Variants in MYH16 observed in about 807,000 individuals in gnomAD.
MYH16 encodes myosin heavy chain 16, also known as putative uncharacterized protein MYH16.
chr7:99,252,217 G>A (rs1216216557), intron 6 of MYH16, among the ~76,000 whole-genome samples: 2 of 152,098 alleles, frequency 1.3e-5, no homozygotes, highest in Admixed American at 6.6e-5. Flanking sequence ...GGCGGGAGCT[G>A]TAGTCACAGA....
intron 19 of MYH16, among the ~76,000 whole-genome samples, chr7:99,271,722 T>C (rs972810732): frequency 6.6e-6 from 1 of 152,164 alleles, no homozygotes; most frequent in Non-Finnish European, 1.5e-5. Context: ...GAGTGGGGGA[T>C]GGGGTCTTGC....
At chr7:99,277,912 TGTGTGAGA>T (rs1324168778) in intron 21 of MYH16, among the ~76,000 whole-genome samples, 200 bp downstream of exon 3, 2 of 131,662 alleles carry the variant, frequency 1.5e-5, no homozygotes, top group Non-Finnish European at 3.1e-5. Context: ...TGTGTGTGTG[TGTGTGAGA>T]GAGAGAGAGA....
At chr7:99,291,846 C>A (rs1792384607) in intron 31 of MYH16, among the ~76,000 whole-genome samples, 1 of 151,998 alleles carries the variant, frequency 6.6e-6, no homozygotes, top group South Asian at 2.1e-4. Flanking sequence ...ATAATCCCAG[C>A]TACTTGGGAG....
At chr7:99,262,376 C>T (rs1321492232) in intron 13 of MYH16, among the ~76,000 whole-genome samples, 1 of 152,196 alleles carries the variant, frequency 6.6e-6, no homozygotes, top group African/African-American at 2.4e-5. Flanking sequence ...TCAACCATAA[C>T]CATAATGCCA....
At position 99,291,248 on chromosome 7, in the gene MYH16, T is replaced by C. The variant is rs542837516; in HGVS notation, n.3825-75T>C. ...TATTTATTGGGTACTTTAGGAGCAATGCCCTGGGGAACTTTGGATCTGGCT... is the reference window on the plus strand; with the variant it reads ...TATTTATTGGGTACTTTAGGAGCAACGCCCTGGGGAACTTTGGATCTGGCT... On this transcript the variant is annotated intron_variant and non_coding_transcript_variant, in intron 30 of 41. Coordinates refer to ENST00000439784, the Ensembl canonical transcript of MYH16. The C allele has an allele frequency of 5.8e-5, 25 of 430,696 alleles. 1 individual carries two copies. The highest frequency in any genetic ancestry group is 4.0e-4 in the South Asian group (24 of 59,772). The allele number at this position is 430,696 out of a possible 1,614,324, so 26.7% of individuals were successfully genotyped here.
intron 2 of MYH16, among the ~76,000 whole-genome samples, chr7:99,246,178 C>G (rs1184274013): frequency 6.7e-6 from 1 of 149,520 alleles, no homozygotes; most frequent in Non-Finnish European, 1.5e-5. Context: ...TGCACTCCAG[C>G]CTGGGTGATA....
chr7:99,256,967 A>G (rs1489475938), intron 9 of MYH16, among the ~76,000 whole-genome samples: 3 of 152,190 alleles, frequency 2.0e-5, no homozygotes, highest in Non-Finnish European at 4.4e-5. Flanking sequence ...TAATAAAATA[A>G]CAATACTAAT....
chr7:99,299,094 A>T (rs867081735), intron 36 of MYH16, among the ~76,000 whole-genome samples: 29 of 152,132 alleles, frequency 1.9e-4, no homozygotes, highest in Middle Eastern at 3.4e-3. Context: ...AATAAAAAAA[A>T]AAAATAGCTG....
intron 21 of MYH16, 135 bp downstream of exon 3, chr7:99,277,847 G>A: frequency 1.1e-5 from 4 of 357,930 alleles, no homozygotes; most frequent in Non-Finnish European, 1.6e-5. Flanking sequence ...AGTCACCCTC[G>A]ACCCAACTTC....
At chr7:99,242,607 C>T (rs960484286) in intron 1 of MYH16, among the ~76,000 whole-genome samples, 1 of 152,118 alleles carries the variant, frequency 6.6e-6, no homozygotes, top group Non-Finnish European at 1.5e-5. Context: ...CACTGAACTC[C>T]AGCCTGGGCA....
intron 37 of MYH16, among the ~76,000 whole-genome samples, chr7:99,301,195 C>CAA (rs11315562): frequency 1.0e-3 from 55 of 54,456 alleles, no homozygotes; most frequent in Middle Eastern, 0.013. Flanking sequence ...GACTCTGTCT[C>CAA]AAAAAAAAAA....
In MYH16 at chr7:99,268,231, C is replaced by T. The variant is rs73709621; in HGVS notation, n.2266+1257C>T. ...TGCTGTAAATAGCTAGATTGACTTGCGGGGGACACTTGAGGTTTGGAGACA... is the reference window on the plus strand; with the variant it reads ...TGCTGTAAATAGCTAGATTGACTTGTGGGGGACACTTGAGGTTTGGAGACA... On this transcript the variant is annotated intron_variant and non_coding_transcript_variant, in intron 18 of 41. Transcript: ENST00000439784. Among the ~76,000 whole-genome samples, 624 of 152,266 alleles carry T rather than the reference C, an allele frequency of 4.1e-3. 3 individuals are homozygous for T. The highest frequency in any genetic ancestry group is 0.014 in the African/African-American group (579 of 41,554).
chr7:99,259,716 ATG>A lies in MYH16; in HGVS notation n.1405-434_1405-433del, dbSNP rs539769919. 2.0e-4 allele frequency among the ~76,000 whole-genome samples: 30 copies of A among 146,808 alleles called. 1 individual carries two copies. In the South Asian group the frequency reaches 3.1e-3, roughly 15 times the overall value. On this transcript the variant is annotated intron_variant and non_coding_transcript_variant, in intron 11 of 41. Coordinates refer to ENST00000439784, the Ensembl canonical transcript of MYH16. ...TATATATGTGTGTGTATATATATAT[ATG>A]TGTGTGTGTGTGTATATATATATTA...
downstream of MYH16, among the ~76,000 whole-genome samples, chr7:99,309,321 G>A (rs1213668814): frequency 6.6e-6 from 1 of 152,152 alleles, no homozygotes; most frequent in Non-Finnish European, 1.5e-5. Flanking sequence ...AAGTTTCCCT[G>A]CTCAGTTACG....
intron 11 of MYH16, chr7:99,260,051 A>G (rs1791923117): frequency 2.5e-6 from 2 of 799,846 alleles, no homozygotes; most frequent in Non-Finnish European, 3.9e-6. Flanking sequence ...AGTGCCTGAC[A>G]CTAGTGGGCC....
chr7:99,264,304 A>G (rs961379269), exon 15 of MYH16: 26 of 152,682 alleles, frequency 1.7e-4, no homozygotes, highest in African/African-American at 6.3e-4. Context: ...TCCAATTTCT[A>G]CAGGGTGAGC....
rs77537861 is a variant in MYH16 at position 99,287,063 on chromosome 7, G to C, written n.3460+539G>C. Reference sequence around the variant, plus strand: ...GGGGCTGGTTAGGAGGCAGACAGCTGGGGGGAAGAATGTAGGCAAAGGCCT... The same window carrying C: ...GGGGCTGGTTAGGAGGCAGACAGCTCGGGGGAAGAATGTAGGCAAAGGCCT... On this transcript the variant is annotated intron_variant and non_coding_transcript_variant, in intron 28 of 41. Transcript: ENST00000439784. 2.1e-3 allele frequency among the ~76,000 whole-genome samples: 324 copies of C among 152,328 alleles called. 8 individuals carry two copies. In the East Asian group the frequency reaches 0.055, roughly 26 times the overall value.
chr7:99,297,625 G>A (rs1792520416), intron 34 of MYH16, 35 bp from the exon 16 acceptor site: 1 of 449,444 alleles, frequency 2.2e-6, no homozygotes, highest in Non-Finnish European at 4.5e-6. Context: ...ACCCTGGAAT[G>A]CCGAGTCTTA....
chr7:99,286,716 G>C (rs1418780601), intron 28 of MYH16, among the ~76,000 whole-genome samples: 1 of 151,674 alleles, frequency 6.6e-6, no homozygotes, highest in African/African-American at 2.4e-5. Context: ...CCCAACACCT[G>C]GGGAGGCAAA....
Sources: allele counts gnomAD v4.1 joint callset (sites outside exome capture counted in the v4.1 genomes callset), GRCh38; gene constraint gnomAD v4.1.1; transcripts MANE v1.5; gene names NCBI Gene and HGNC (gene_info 2026-07-23, HGNC 2026-07-21).